MAGI2: variants seen among roughly 807,000 people sequenced by gnomAD.
MAGI2 encodes the protein membrane-associated guanylate kinase, WW and PDZ domain-containing protein 2.
MAGI2 carries 35 observed loss-of-function variants against 133.3 expected under a neutral mutation model. The ratio of observed to expected loss-of-function variants is 0.26; its 90% CI spans 0.20 to 0.35. The LOEUF is 0.35. Ranked by LOEUF, MAGI2 falls within the 10% of genes least tolerant of loss-of-function variation. The probability of loss-of-function intolerance (pLI) is 1.00; values close to 1 mark genes in which losing one functional copy is unlikely to be tolerated. For synonymous variants in MAGI2, 729 were observed against 710.6 expected, an observed-to-expected ratio of 1.03 and a Z score of -0.41; for missense variants, 1,636 against 1,863.4, an observed-to-expected ratio of 0.88 and a Z score of 2.25.
intron 4 of MAGI2, among the ~76,000 whole-genome samples, chr7:78,513,469 C>T (rs1795776462): frequency 6.6e-6 from 1 of 152,060 alleles, no homozygotes; most frequent in Non-Finnish European, 1.5e-5. Context: ...TTCACACCAA[C>T]AATCATAATC....
intron 6 of MAGI2, among the ~76,000 whole-genome samples, chr7:78,483,276 A>G (rs917333204): frequency 2.6e-5 from 4 of 151,964 alleles, no homozygotes; most frequent in Non-Finnish European, 5.9e-5. Context: ...GATGATGTCA[A>G]TATTATTTTA....
chr7:78,783,404 T>C (rs1254046311), intron 2 of MAGI2, among the ~76,000 whole-genome samples: 1 of 152,196 alleles, frequency 6.6e-6, no homozygotes, highest in African/African-American at 2.4e-5. Flanking sequence ...AGGATGTTGA[T>C]TTAACCTGGA....
intron 10 of MAGI2, among the ~76,000 whole-genome samples, chr7:78,236,061 T>G (rs1246203205): frequency 6.6e-6 from 1 of 150,406 alleles, no homozygotes; most frequent in Non-Finnish European, 1.5e-5. Flanking sequence ...GAGGGCACTG[T>G]CGTATGGAAG....
At chr7:78,486,018 C>G (rs1792961316) in intron 6 of MAGI2, 1 of 151,946 alleles carries the variant, frequency 6.6e-6, no homozygotes, top group South Asian at 2.1e-4. Context: ...AAAAGGGAAC[C>G]CTGGAGAGGT....
intron 1 of MAGI2, among the ~76,000 whole-genome samples, chr7:79,240,298 C>T (rs1259769109): frequency 5.6e-5 from 8 of 142,864 alleles, no homozygotes; most frequent in Non-Finnish European, 9.0e-5. Flanking sequence ...GACAACAGAG[C>T]GATAGTTTGG....
chr7:79,056,182 C>T (rs576332336), intron 1 of MAGI2, among the ~76,000 whole-genome samples: 3 of 152,164 alleles, frequency 2.0e-5, no homozygotes, highest in East Asian at 3.9e-4. Context: ...TGGCTTGATG[C>T]CAGGAGTTCA....
At chr7:79,395,071 C>A (rs1049980078) in intron 1 of MAGI2, among the ~76,000 whole-genome samples, 2 of 152,052 alleles carry the variant, frequency 1.3e-5, no homozygotes, top group African/African-American at 2.4e-5. Flanking sequence ...GAAAATATGT[C>A]ATTGAAAAAA....
At chr7:79,260,915 G>A (rs750967594) in intron 1 of MAGI2, among the ~76,000 whole-genome samples, 10 of 152,146 alleles carry the variant, frequency 6.6e-5, no homozygotes, top group South Asian at 6.2e-4. Flanking sequence ...CTAACTGAAT[G>A]GGGGTGTTCA....
chr7:78,478,537 T>C (rs976115638), intron 6 of MAGI2, among the ~76,000 whole-genome samples: 1 of 151,930 alleles, frequency 6.6e-6, no homozygotes, highest in Non-Finnish European at 1.5e-5. Flanking sequence ...TCAACAGAGA[T>C]AATGTTACGT....
intron 2 of MAGI2, among the ~76,000 whole-genome samples, chr7:78,974,016 G>A (rs1267673008): frequency 2.0e-5 from 3 of 151,668 alleles, no homozygotes; most frequent in Non-Finnish European, 2.9e-5. Context: ...TTCAATTTGG[G>A]ATACATATTG....
intron 1 of MAGI2, among the ~76,000 whole-genome samples, chr7:79,181,704 C>G (rs7804240): frequency 6.6e-6 from 1 of 151,858 alleles, no homozygotes; most frequent in African/African-American, 2.4e-5. Flanking sequence ...ATGGGATTTT[C>G]TTTTCTGTTG....
At chr7:79,112,598 A>G (rs1374053110) in intron 1 of MAGI2, among the ~76,000 whole-genome samples, 2 of 152,280 alleles carry the variant, frequency 1.3e-5, no homozygotes, top group South Asian at 4.1e-4. Flanking sequence ...TCCAAATCAC[A>G]CCACTCTTCT....
chr7:78,807,279 A>G (rs1431452367), intron 2 of MAGI2, among the ~76,000 whole-genome samples: 1 of 152,154 alleles, frequency 6.6e-6, no homozygotes, highest in African/African-American at 2.4e-5. Flanking sequence ...TAAAAAACTA[A>G]AAGTATTTAT....
At chr7:78,800,529 C>T (rs536732897) in intron 2 of MAGI2, among the ~76,000 whole-genome samples, 1 of 152,252 alleles carries the variant, frequency 6.6e-6, no homozygotes, top group South Asian at 2.1e-4. Context: ...TTCCTTATAA[C>T]TAGCAATGTC....
At chr7:79,143,413 T>TA (rs1205548521) in intron 1 of MAGI2, among the ~76,000 whole-genome samples, 1 of 152,224 alleles carries the variant, frequency 6.6e-6, no homozygotes, top group Non-Finnish European at 1.5e-5. Flanking sequence ...TCTGTTAAGC[T>TA]AAAAACACAT....
intron 21 of MAGI2, among the ~76,000 whole-genome samples, chr7:78,069,113 C>T (rs575300395): frequency 2.4e-4 from 36 of 152,238 alleles, no homozygotes; most frequent in Admixed American, 4.6e-4. Context: ...AATCTAGTTT[C>T]CTTTCTCTAA....
chr7:78,995,867 C>G (rs1425039557), intron 2 of MAGI2, among the ~76,000 whole-genome samples: 1 of 152,160 alleles, frequency 6.6e-6, no homozygotes, highest in African/African-American at 2.4e-5. Flanking sequence ...CTCCCTCTTT[C>G]TCTGCTGACT....
chr7:78,660,906 GAAAC>G (rs1438909035), intron 2 of MAGI2, among the ~76,000 whole-genome samples: 2 of 151,950 alleles, frequency 1.3e-5, no homozygotes, highest in Non-Finnish European at 2.9e-5. Context: ...TCTGTTTATT[GAAAC>G]AGCACTGATA....
intron 4 of MAGI2, among the ~76,000 whole-genome samples, chr7:78,511,481 G>A (rs1320311833): frequency 1.3e-5 from 2 of 148,826 alleles, no homozygotes; most frequent in Admixed American, 6.7e-5. Context: ...TTCTAATATG[G>A]GTACTAAAAT....
Sources: allele counts gnomAD v4.1 joint callset (sites outside exome capture counted in the v4.1 genomes callset), GRCh38; gene constraint gnomAD v4.1.1; transcripts MANE v1.5; gene names NCBI Gene and HGNC (gene_info 2026-07-23, HGNC 2026-07-21).